Variants in KLRF1 observed in about 807,000 individuals in gnomAD.
The protein encoded by KLRF1 is killer cell lectin-like receptor subfamily F member 1.
KLRF1 carries 27 observed loss-of-function variants against 30.7 expected under a neutral mutation model. The ratio of observed to expected loss-of-function variants is 0.88; its 90% CI spans 0.65 to 1.21. The LOEUF is 1.21. Among genes scored for constraint, KLRF1 ranks in the 50% most tolerant of loss-of-function variants. KLRF1 has a pLI of 0.00. For missense variants in KLRF1, 246 were observed against 259.3 expected, an observed-to-expected ratio of 0.95 and a Z score of 0.35; for synonymous variants, 92 against 89.3, an observed-to-expected ratio of 1.03 and a Z score of -0.17.
At chr12:9,816,856 T>C in the KLRF1 span, among the ~76,000 whole-genome samples, 3 of 151,692 alleles carry the variant, frequency 2.0e-5, no homozygotes, top group African/African-American at 7.3e-5. Context: ...GCCTCAGCCT[T>C]CCAAGTAGCT....
chr12:9,832,760 C>G (rs1214165976), intron 2 of KLRF1, among the ~76,000 whole-genome samples: 1 of 151,670 alleles, frequency 6.6e-6, no homozygotes, highest in Non-Finnish European at 1.5e-5. Flanking sequence ...TAAAATTTTA[C>G]TGTTTTGCTT....
At chr12:9,801,227 T>A in the KLRF1 span, among the ~76,000 whole-genome samples, 3 of 152,150 alleles carry the variant, frequency 2.0e-5, no homozygotes, top group Non-Finnish European at 4.4e-5. Flanking sequence ...TGTACCACAT[T>A]TTCTTTATCC....
the KLRF1 span, among the ~76,000 whole-genome samples, chr12:9,812,913 T>C: frequency 6.6e-6 from 1 of 152,194 alleles, no homozygotes; most frequent in African/African-American, 2.4e-5. Context: ...TCATTTAATT[T>C]TGTAGTGTTG....
At chr12:9,828,527 C>T (rs907154358) in intron 1 of KLRF1, among the ~76,000 whole-genome samples, 5 of 152,206 alleles carry the variant, frequency 3.3e-5, no homozygotes, top group Admixed American at 2.6e-4. Context: ...CATCATGCCA[C>T]CTTAATGTGA....
the KLRF1 span, among the ~76,000 whole-genome samples, chr12:9,820,314 C>T: frequency 2.0e-5 from 3 of 152,180 alleles, no homozygotes; most frequent in East Asian, 3.9e-4. Context: ...ACTGCAACAG[C>T]CCTGCAAGAA....
intron 3 of KLRF1, among the ~76,000 whole-genome samples, chr12:9,840,671 T>A (rs1232434894): frequency 6.6e-6 from 1 of 152,096 alleles, no homozygotes; most frequent in Non-Finnish European, 1.5e-5. Context: ...CATACAAAAC[T>A]ACAAGGAGAG....
the KLRF1 span, among the ~76,000 whole-genome samples, chr12:9,808,205 T>C: frequency 6.6e-6 from 1 of 152,168 alleles, no homozygotes; most frequent in African/African-American, 2.4e-5. Context: ...TGTGAATCCA[T>C]GTAATCACCA....
At chr12:9,839,584 A>G (rs1290527890) in intron 3 of KLRF1, among the ~76,000 whole-genome samples, 1 of 152,102 alleles carries the variant, frequency 6.6e-6, no homozygotes, top group Non-Finnish European at 1.5e-5. Context: ...TTTCTCCAAA[A>G]AACACTATAC....
At chr12:9,821,356 C>G in the KLRF1 span, among the ~76,000 whole-genome samples, 21 of 152,214 alleles carry the variant, frequency 1.4e-4, no homozygotes, top group Admixed American at 1.2e-3. Context: ...ACTACTCCTG[C>G]TACCCTCAGA....
chr12:9,814,580 AC>A, the KLRF1 span, among the ~76,000 whole-genome samples: 1 of 152,088 alleles, frequency 6.6e-6, no homozygotes, highest in Non-Finnish European at 1.5e-5. Context: ...CTGACTGAAG[AC>A]CCAGCCTGGC....
chr12:9,838,665 T>C (rs1016112569), intron 3 of KLRF1, among the ~76,000 whole-genome samples: 3 of 152,148 alleles, frequency 2.0e-5, no homozygotes, highest in Non-Finnish European at 4.4e-5. Flanking sequence ...AAAGGAATTC[T>C]ATTTTTTACC....
At chr12:9,807,765 G>A in the KLRF1 span, among the ~76,000 whole-genome samples, 7 of 151,966 alleles carry the variant, frequency 4.6e-5, no homozygotes. Context: ...TTTTTTGCGG[G>A]GAGGGGTGTT....
the KLRF1 span, among the ~76,000 whole-genome samples, chr12:9,812,534 A>G: frequency 6.6e-6 from 1 of 152,246 alleles, no homozygotes; most frequent in Non-Finnish European, 1.5e-5. Context: ...TGTTTTGGCA[A>G]TGCTTTTCAG....
In KLRF1 at chr12:9,832,375, G is replaced by A; in HGVS notation, c.145G>A (p.Gly49Ser). The change falls in exon 2 of 6, where the codon GGT becomes AGT. Residue 49 changes from glycine (G) to serine (S), a missense_variant. Gly to Ser is a moderately conservative substitution (Grantham distance 56, BLOSUM62 0). Transcript: ENST00000617889. ...ACTGGGAATATCTGGAACCGTGAAT[G>A]GTATTCTCACTTTGACTTTGATCTC... ...ILLGISGTVN[G>S]ILTLTLISLI... 4.3e-6 allele frequency: 7 copies of A among 1,609,642 alleles called. No individual in the cohort carries two copies. Among genetic ancestry groups the A allele is most frequent in the South Asian group, 1.1e-5 (1 of 90,798 alleles).
At chr12:9,827,417 T>G (rs772168513), upstream of KLRF1, 2 of 524,170 alleles carry the variant, frequency 3.8e-6, no homozygotes, top group East Asian at 3.2e-5. Context: ...AACCCTCATA[T>G]GTACTGTGAA....
intron 1 of KLRF1, among the ~76,000 whole-genome samples, chr12:9,830,029 T>C (rs978383242): frequency 6.6e-6 from 1 of 152,244 alleles, no homozygotes; most frequent in Non-Finnish European, 1.5e-5. Context: ...GGAGAATTTA[T>C]ATTTTTGACA....
the KLRF1 span, among the ~76,000 whole-genome samples, chr12:9,818,447 T>C: frequency 4.6e-5 from 7 of 152,244 alleles, no homozygotes; most frequent in Non-Finnish European, 1.5e-5. Flanking sequence ...TCTTTCTTTG[T>C]TGTAAAATGT....
At chr12:9,803,478 T>C in the KLRF1 span, among the ~76,000 whole-genome samples, 1 of 152,082 alleles carries the variant, frequency 6.6e-6, no homozygotes, top group Non-Finnish European at 1.5e-5. Flanking sequence ...ATCTTTGGTG[T>C]TGTATCTAAA....
At chr12:9,820,126 G>A in the KLRF1 span, among the ~76,000 whole-genome samples, 1 of 151,764 alleles carries the variant, frequency 6.6e-6, no homozygotes, top group African/African-American at 2.4e-5. Flanking sequence ...ACCCAACTGG[G>A]ATCACCAGCC....
Sources: gnomAD v4.1 joint callset for allele counts (sites outside exome capture counted in the v4.1 genomes callset) on GRCh38, gnomAD v4.1.1 for gene constraint, MANE v1.5 for transcripts, NCBI Gene and HGNC (gene_info 2026-07-23, HGNC 2026-07-21) for gene names.